TRIM29: variants seen among roughly 807,000 people sequenced by gnomAD.
TRIM29 encodes tripartite motif containing 29, also known as tripartite motif-containing protein 29.
TRIM29 carries 52 observed loss-of-function variants against 57.3 expected under a neutral mutation model. That is an observed-to-expected ratio of 0.91 (90% CI 0.73 to 1.14). TRIM29 has a LOEUF of 1.14. Ranked by LOEUF, TRIM29 falls within the 50% of genes most tolerant of loss-of-function variation. The probability of loss-of-function intolerance (pLI) is 0.00; values close to 1 mark genes in which losing one functional copy is unlikely to be tolerated. For synonymous variants in TRIM29, 319 were observed against 316.9 expected (o/e 1.01, Z -0.07); for missense variants, 753 against 774.6 (o/e 0.97, Z 0.33).
intron 5 of TRIM29, 168 bp from the exon 6 acceptor site, chr11:120,120,833 T>C (rs377061504): frequency 2.8e-6 from 2 of 703,810 alleles, no homozygotes; most frequent in South Asian, 1.5e-5. Context: ...CAAATTGGCA[T>C]GCTTTTGAGA....
At chr11:120,127,600 G>A in intron 2 of TRIM29, 31 bp from the exon 3 acceptor site, 1 of 1,596,112 alleles carries the variant, frequency 6.3e-7, no homozygotes, top group Non-Finnish European at 8.6e-7. Context: ...AAGAGATTAG[G>A]CAGGGCTTTA....
At chr11:120,128,588 C>G in intron 1 of TRIM29, 93 bp from the exon 2 acceptor site, 1 of 1,508,540 alleles carries the variant, frequency 6.6e-7, no homozygotes, top group Non-Finnish European at 9.0e-7. Context: ...GGGGCACACT[C>G]GCAGCCAGGG....
At chr11:120,116,628 G>GA (rs1485612329) in intron 7 of TRIM29, 3 of 154,334 alleles carry the variant, frequency 1.9e-5, no homozygotes, top group African/African-American at 7.2e-5. Context: ...AGCAGCCTTG[G>GA]AAAGGGGGGT....
intron 6 of TRIM29, among the ~76,000 whole-genome samples, chr11:120,119,349 TG>T (rs1863372905): frequency 6.6e-6 from 1 of 152,152 alleles, no homozygotes; most frequent in Non-Finnish European, 1.5e-5. Context: ...TGGGGAGGGC[TG>T]GGGGCTGACT....
In TRIM29 at chr11:120,137,470, G is replaced by A; in HGVS notation, c.562C>T (p.Leu188=). 3.7e-6 allele frequency: 6 copies of A among 1,603,888 alleles called. No homozygotes were observed. Among genetic ancestry groups the A allele is most frequent in the Non-Finnish European group, 5.1e-6 (6 of 1,179,934 alleles). ...GNKQKAVKSC[L]VCQASFCELH... ...TCGCAGAAGGAGGCCTGGCACACCA[G>A]GCAGGACTTGACCGCCTTCTGCTTG... The change falls in exon 1 of 9, where the codon CTG becomes TTG. Residue 188 remains leucine, a synonymous_variant. Transcript: ENST00000341846. This position sits in a 1 kb window ranked among gnomAD's most constrained non-coding sequence, Gnocchi z 6.2.
rs1211542989 is a variant in TRIM29 at position 120,122,129 on chromosome 11, T to TGA, written c.1435+823_1435+824dup. The TGA allele has an allele frequency of 5.2e-3, 1,679 of 324,510 alleles. 56 individuals carry two copies. The highest frequency in any genetic ancestry group is 0.046 in the Admixed American group (1,227 of 26,574). 20.1% of individuals were successfully genotyped at this position (324,510 alleles called of 1,614,324 possible). Reference sequence around the variant, plus strand: ...CCCCAAGCCTCTCCCATTGTGTGTGTGAGTGTGTGTGTGTGTGTGTGTGTG... The same window carrying TGA: ...CCCCAAGCCTCTCCCATTGTGTGTGTGAGAGTGTGTGTGTGTGTGTGTGTGTG... On this transcript the variant is annotated intron_variant, in intron 5 of 8. Coordinates refer to ENST00000341846, the MANE Select transcript of TRIM29 (RefSeq NM_012101.4).
chr11:120,115,506 AC>A, intron 7 of TRIM29, 92 bp from the exon 8 acceptor site: 2 of 1,091,686 alleles, frequency 1.8e-6, no homozygotes, highest in Non-Finnish European at 2.7e-6. Flanking sequence ...CTCCAAAGTG[AC>A]CACCAAGCAT....
rs1394372098 is a variant in TRIM29, at chr11:120,127,522, G to A, written c.948C>T (p.Asp316=). The change falls in exon 3 of 9, where the codon GAC becomes GAT. Residue 316 remains aspartate (D), a synonymous_variant. Transcript: ENST00000341846. ...TTTGCTTCTCCAGGTCCCGCACCAG[G>A]TCCCGGAAGTTCTGCTCCAGGATGG... The part of the protein sequence containing the change: ...EKAILEQNFR[D]LVRDLEKQKE... 1 of 1,614,070 alleles carries A rather than the reference G, an allele frequency of 6.2e-7. No homozygotes were observed. Among genetic ancestry groups the A allele is most frequent in the Non-Finnish European group, 8.5e-7 (1 of 1,180,030 alleles).
chr11:120,116,238 C>G (rs1863266721), intron 7 of TRIM29: 1 of 152,270 alleles, frequency 6.6e-6, no homozygotes, highest in Non-Finnish European at 1.5e-5. Flanking sequence ...AAGACGGGGC[C>G]GCCTTGACTC....
chr11:120,125,361 T>C (rs1649199249), intron 4 of TRIM29: 1 of 331,802 alleles, frequency 3.0e-6, no homozygotes, highest in South Asian at 4.3e-5. Flanking sequence ...GCTGCTGGGC[T>C]GGGCCCGGCA....
chr11:120,124,754 A>G (rs1034308960), intron 4 of TRIM29: 2 of 152,140 alleles, frequency 1.3e-5, no homozygotes, highest in Non-Finnish European at 2.9e-5. Context: ...TGTCCCCCAC[A>G]TTTCACAGGG....
Position 120,112,286 on chromosome 11 carries a change from G to A in TRIM29, c.*128C>T, listed in dbSNP as rs994737835. 4 of 1,094,918 alleles carry A rather than the reference G, an allele frequency of 3.7e-6. No homozygotes were observed. The African/African-American group carries it at 6.4e-5, about 17-fold the overall frequency. The allele number at this position is 1,094,918 out of a possible 1,614,324, so 67.8% of individuals were successfully genotyped here. Reference sequence around the variant, plus strand: ...GAACTGCCCCCAAGAGGCTGGCAGAGGGCTGCAGAGGGCAGGTGCAGGACC... The same window carrying A: ...GAACTGCCCCCAAGAGGCTGGCAGAAGGCTGCAGAGGGCAGGTGCAGGACC... On this transcript the variant is annotated 3_prime_UTR_variant, in exon 9 of 9. Coordinates refer to ENST00000341846, the MANE Select transcript of TRIM29 (RefSeq NM_012101.4).
In TRIM29 at chr11:120,123,027, G is replaced by T; in HGVS notation, c.1362C>A (p.Tyr454Ter). 21 of 1,614,132 alleles carry T rather than the reference G, an allele frequency of 1.3e-5. No individual in the cohort carries two copies. The highest frequency in any genetic ancestry group is 1.7e-5 in the Non-Finnish European group (20 of 1,180,018). Reference protein sequence around the residue: ...NGGDHRYVNNYTNSFGGEWSA... With the variant: ...NGGDHRYVNN ...TCCACTCACCCCCGAAGCTGTTCGTGTAGTTGTTCACATAGCGATGGTCAC... is the reference window on the plus strand; with the variant it reads ...TCCACTCACCCCCGAAGCTGTTCGTTTAGTTGTTCACATAGCGATGGTCAC... The change falls in exon 5 of 9, where the codon TAC becomes TAA. Residue 454 changes from tyrosine to a stop codon, truncating the protein, a stop_gained. Coordinates refer to ENST00000341846, the MANE Select transcript of TRIM29 (RefSeq NM_012101.4). LOFTEE classifies it high-confidence loss of function.
At chr11:120,115,572 G>A (rs1383027181) in intron 7 of TRIM29, 158 bp from the exon 8 acceptor site, 3 of 644,594 alleles carry the variant, frequency 4.7e-6, no homozygotes, top group Non-Finnish European at 7.9e-6. Flanking sequence ...CAGCCAGGGT[G>A]CCGCAACCGA....
chr11:120,121,837 A>T (rs946765178), intron 5 of TRIM29: 1 of 373,732 alleles, frequency 2.7e-6, no homozygotes. Flanking sequence ...GGCCTGGTCC[A>T]TGGATGGAAG....
intron 6 of TRIM29, among the ~76,000 whole-genome samples, chr11:120,120,344 TAC>T (rs71050727): frequency 0.017 from 2,310 of 138,156 alleles, 40 homozygotes; most frequent in African/African-American, 0.042. Flanking sequence ...CCCACACATG[TAC>T]ACACACACAC....
chr11:120,119,820 A>C (rs1296216683), intron 6 of TRIM29, among the ~76,000 whole-genome samples: 1 of 152,052 alleles, frequency 6.6e-6, no homozygotes, highest in Non-Finnish European at 1.5e-5. Flanking sequence ...CATGGCTGGC[A>C]TGTGACCAGG....
chr11:120,112,546 C>T (rs1863161362), intron 8 of TRIM29, 70 bp from the exon 9 acceptor site: 2 of 1,544,936 alleles, frequency 1.3e-6, no homozygotes, highest in African/African-American at 2.7e-5. Flanking sequence ...CCCACCCTAC[C>T]CTAACCTGCC....
At chr11:120,125,666 G>T (rs777121787) in intron 4 of TRIM29, 25 bp downstream of exon 4, 1 of 1,613,372 alleles carries the variant, frequency 6.2e-7, no homozygotes, top group South Asian at 1.1e-5. Context: ...ATGGCCTTGG[G>T]GCCCAGCCAC....
Sources: gnomAD v4.1 joint callset for allele counts (sites outside exome capture counted in the v4.1 genomes callset) on GRCh38, gnomAD v4.1.1 for gene constraint, Gnocchi (gnomAD v3.1) non-coding constraint, MANE v1.5 for transcripts, NCBI Gene and HGNC (gene_info 2026-07-23, HGNC 2026-07-21) for gene names.